Variants in ZNF536 observed in about 807,000 individuals in gnomAD.
ZNF536 encodes the protein zinc finger protein 536.
In ZNF536, 13 loss-of-function variants were observed where a neutral mutation model predicts 84.5. That is an observed-to-expected ratio of 0.15 (90% CI 0.10 to 0.24). The LOEUF (loss-of-function observed/expected upper bound fraction) is 0.24, where lower values mean the gene tolerates loss of function less well. ZNF536 is among the 10% of genes least tolerant of loss of function. ZNF536 has a pLI of 1.00. For synonymous variants in ZNF536, 811 were observed against 742.5 expected (o/e 1.09, Z -1.50); for missense variants, 1,536 against 1,747.5 (o/e 0.88, Z 2.16).
chr19:30,356,010 A>G (rs572603940), intron 3 of ZNF536, among the ~76,000 whole-genome samples: 1 of 152,336 alleles, frequency 6.6e-6, no homozygotes, highest in East Asian at 1.9e-4. Context: ...TACACATGTA[A>G]GCCACTGTGC....
chr19:30,495,813 A>T (rs918854838), intron 2 of ZNF536, among the ~76,000 whole-genome samples: 3 of 152,186 alleles, frequency 2.0e-5, no homozygotes, highest in Non-Finnish European at 4.4e-5. Context: ...CTCAGAGAAG[A>T]AAGACACAAC....
intron 1 of ZNF536, among the ~76,000 whole-genome samples, chr19:30,668,213 A>G (rs1265234249): frequency 6.6e-6 from 1 of 151,980 alleles, no homozygotes; most frequent in Non-Finnish European, 1.5e-5. Flanking sequence ...AAATTAAGAT[A>G]TTTATTTGCC....
chr19:30,676,350 T>C (rs1014523744), intron 1 of ZNF536, among the ~76,000 whole-genome samples: 3 of 152,216 alleles, frequency 2.0e-5, no homozygotes, highest in Non-Finnish European at 4.4e-5. Flanking sequence ...TGTGAATGTG[T>C]AAAGAAGATG....
chr19:30,653,695 T>C (rs1243070788), intron 1 of ZNF536, among the ~76,000 whole-genome samples: 1 of 151,870 alleles, frequency 6.6e-6, no homozygotes, highest in East Asian at 1.9e-4. Context: ...GCCGCTCCCT[T>C]AGGAGCAGGT....
intron 1 of ZNF536, among the ~76,000 whole-genome samples, chr19:30,409,925 C>T (rs1300371417): frequency 6.6e-6 from 1 of 151,938 alleles, no homozygotes; most frequent in Non-Finnish European, 1.5e-5. Context: ...TGGTGAATTA[C>T]CTGTTTATGC....
intron 2 of ZNF536, among the ~76,000 whole-genome samples, chr19:30,448,459 A>T (rs1568442596): frequency 6.6e-6 from 1 of 152,192 alleles, no homozygotes; most frequent in Non-Finnish European, 1.5e-5. Flanking sequence ...GAGAGAAAAA[A>T]TCTTTAAGCC....
At chr19:30,541,058 A>G (rs2146043188) in intron 3 of ZNF536, among the ~76,000 whole-genome samples, 1 of 152,290 alleles carries the variant, frequency 6.6e-6, no homozygotes, top group South Asian at 2.1e-4. Flanking sequence ...GAGTGGAATC[A>G]CTTCCAGCAT....
chr19:30,250,105 T>A (rs1368904202), intron 1 of ZNF536, among the ~76,000 whole-genome samples: 5 of 152,214 alleles, frequency 3.3e-5, no homozygotes, highest in Non-Finnish European at 7.3e-5. Context: ...GTTGTGTGAC[T>A]CTGATGTTTG....
chr19:30,323,588 T>TG (rs1228810174), intron 2 of ZNF536, among the ~76,000 whole-genome samples: 18 of 152,208 alleles, frequency 1.2e-4, no homozygotes, highest in African/African-American at 3.1e-4. Flanking sequence ...AGAACTTGAC[T>TG]GGGGTTGCTT....
At chr19:30,469,311 C>G (rs1170703369) in intron 2 of ZNF536, among the ~76,000 whole-genome samples, 1 of 152,028 alleles carries the variant, frequency 6.6e-6, no homozygotes, top group Non-Finnish European at 1.5e-5. Context: ...ACTCAGGAGG[C>G]TGAGGCAGGA....
chr19:30,269,745 C>T (rs2025720434), intron 1 of ZNF536, among the ~76,000 whole-genome samples: 1 of 152,110 alleles, frequency 6.6e-6, no homozygotes, highest in African/African-American at 2.4e-5. Flanking sequence ...TGTGTTTGTA[C>T]TAGGTTGGTC....
chr19:30,330,884 A>G (rs2047189587), intron 2 of ZNF536, among the ~76,000 whole-genome samples: 1 of 152,104 alleles, frequency 6.6e-6, no homozygotes, highest in Admixed American at 6.5e-5. Flanking sequence ...TCAAAACATA[A>G]CTTCACTGCT....
chr19:30,282,472 C>G (rs2045483506), intron 1 of ZNF536, among the ~76,000 whole-genome samples: 1 of 152,188 alleles, frequency 6.6e-6, no homozygotes, highest in South Asian at 2.1e-4. Flanking sequence ...GTGGGACTTC[C>G]CCCGATGAAG....
At chr19:30,528,795 G>A (rs1204497591) in intron 2 of ZNF536, among the ~76,000 whole-genome samples, 2 of 152,116 alleles carry the variant, frequency 1.3e-5, no homozygotes, top group African/African-American at 2.4e-5. Context: ...GTTGGGATAC[G>A]TAGGGGTCCA....
At chr19:30,258,394 T>C (rs2041213150) in intron 1 of ZNF536, among the ~76,000 whole-genome samples, 1 of 152,210 alleles carries the variant, frequency 6.6e-6, no homozygotes, top group South Asian at 2.1e-4. Context: ...AGGCATGCTC[T>C]AATCCTGGGG....
intron 1 of ZNF536, among the ~76,000 whole-genome samples, chr19:30,278,743 C>A (rs1252765306): frequency 6.6e-6 from 1 of 152,100 alleles, no homozygotes; most frequent in Non-Finnish European, 1.5e-5. Flanking sequence ...TTTCCCCTGC[C>A]ACTGCTCTCT....
chr19:30,282,379 G>C lies in ZNF536; in HGVS notation c.-189-1693G>C, dbSNP rs560870855. 4.0e-4 allele frequency among the ~76,000 whole-genome samples: 61 copies of C among 151,186 alleles called. No homozygotes were observed. The South Asian group carries it at 0.013, about 32-fold the overall frequency. On this transcript the variant is annotated intron_variant, in intron 1 of 5. Coordinates refer to the ZNF536 transcript ENST00000585628. The stretch of plus-strand genomic sequence containing the variant: ...TTTCATGATTTAGAGCATAGAACCT[G>C]AGGGGTTTGTGCCCATCACTGCCCC...
intron 1 of ZNF536, among the ~76,000 whole-genome samples, chr19:30,660,333 CT>C (rs1196155902): frequency 4.6e-5 from 7 of 152,184 alleles, no homozygotes; most frequent in African/African-American, 1.7e-4. Flanking sequence ...ACTATTTCAC[CT>C]AAGAGCTGTC....
intron 1 of ZNF536, among the ~76,000 whole-genome samples, chr19:30,266,528 G>GA (rs1474937868): frequency 1.3e-5 from 2 of 151,772 alleles, no homozygotes; most frequent in African/African-American, 2.4e-5. Flanking sequence ...TCTCCTCCTT[G>GA]ATTGTTTTGT....
Sources: allele counts gnomAD v4.1 joint callset (sites outside exome capture counted in the v4.1 genomes callset), GRCh38; gene constraint gnomAD v4.1.1; transcripts MANE v1.5; gene names NCBI Gene and HGNC (gene_info 2026-07-23, HGNC 2026-07-21).